Variants in CLPTM1L observed in about 807,000 individuals in gnomAD.
The protein encoded by CLPTM1L is CLPTM1 like.
Under a neutral mutation model 70.9 loss-of-function variants are expected in CLPTM1L, and 38 were observed. The ratio of observed to expected loss-of-function variants is 0.54; its 90% confidence interval spans 0.41 to 0.70. CLPTM1L has a LOEUF of 0.70. CLPTM1L is among the 30% of genes least tolerant of loss of function. The probability of loss-of-function intolerance (pLI) is 0.00; values close to 1 mark genes in which losing one functional copy is unlikely to be tolerated. For missense variants in CLPTM1L, 652 were observed against 705.9 expected, an observed-to-expected ratio of 0.92 and a Z score of 0.87; for synonymous variants, 339 against 299.9, an observed-to-expected ratio of 1.13 and a Z score of -1.35.
chr5:1,334,973 C>T (rs986766979), intron 6 of CLPTM1L, 84 bp downstream of exon 6: 3 of 1,008,138 alleles, frequency 3.0e-6, no homozygotes, highest in Non-Finnish European at 4.6e-6. Context: ...CGAGGAGGCC[C>T]CGGCCTGTGT....
chr5:1,326,737 T>TCATCCAGCTCCTCCTCTACGGGGACAATC (rs1752591151), intron 9 of CLPTM1L, among the ~76,000 whole-genome samples: 1 of 124,716 alleles, frequency 8.0e-6, no homozygotes, highest in African/African-American at 3.2e-5. Context: ...CGGGGACATT[T>TCATCCAGCTCCTCCTCTACGGGGACAATC]CATCCAGCTC....
At chr5:1,329,265 G>A (rs115825503) in intron 9 of CLPTM1L, among the ~76,000 whole-genome samples, 1,761 of 152,366 alleles carry the variant, frequency 0.012, 33 homozygotes, top group African/African-American at 0.039. Flanking sequence ...ACAGGGCACC[G>A]AGTGATTTCC....
chr5:1,321,992 T>C (rs1752185775), intron 13 of CLPTM1L, among the ~76,000 whole-genome samples, 173 bp from the exon 14 acceptor site: 1 of 152,166 alleles, frequency 6.6e-6, no homozygotes, highest in South Asian at 2.1e-4. Context: ...TGAAGCAGCT[T>C]TCTGGCTGGT....
rs200986888 is a variant in CLPTM1L at position 1,335,211 on chromosome 5, T to C, written c.679-37A>G. On this transcript the variant is annotated intron_variant, in intron 5 of 16. Coordinates refer to ENST00000320895, the MANE Select transcript of CLPTM1L (RefSeq NM_030782.5). ...AGCCACACTGAGGGCCCTGCCCTCA[T>C]ACCCTTGCACCCAGCTGCCTGGCAG... The C allele has an allele frequency of 4.6e-6, 7 of 1,517,134 alleles. No homozygotes were observed. The African/African-American group carries it at 6.8e-5, about 15-fold the overall frequency. 94.0% of individuals were successfully genotyped at this position (1,517,134 alleles called of 1,614,324 possible). A position where few individuals can be genotyped will look rare whatever the true frequency, so the allele number is the denominator to read the frequency against.
intron 2 of CLPTM1L, 137 bp from the exon 3 acceptor site, chr5:1,341,997 G>T: frequency 1.5e-6 from 1 of 657,190 alleles, no homozygotes; most frequent in Middle Eastern, 4.2e-4. Context: ...ACCTGCCCAG[G>T]GCTTTACGAG....
chr5:1,334,184 G>C (rs959961968), intron 7 of CLPTM1L, 105 bp downstream of exon 7: 3 of 753,598 alleles, frequency 4.0e-6, no homozygotes, highest in Non-Finnish European at 6.8e-6. Context: ...AGGGCCACAG[G>C]GCTGGACGGC....
rs1754177124 is a variant in CLPTM1L at position 1,344,845 on chromosome 5, GGCCCCGC to G, written c.-11_-5del. ...AGGAGCTGCGGCCGCTCCACATGGC[GGCCCCGC>G]GCCCGGCGCCCCCGGCCCGCCCGCC... On this transcript the variant is annotated 5_prime_UTR_variant, in exon 1 of 17. Transcript: ENST00000320895. 6.7e-7 allele frequency: 1 copy of G among 1,482,738 alleles called. No individual in the cohort carries two copies. Among genetic ancestry groups the G allele is most frequent in the South Asian group, 1.3e-5 (1 of 76,136 alleles). The allele number at this position is 1,482,738 out of a possible 1,614,324, so 91.8% of individuals were successfully genotyped here.
At chr5:1,326,931 G>T (rs1364657782) in intron 9 of CLPTM1L, among the ~76,000 whole-genome samples, 4 of 81,044 alleles carry the variant, frequency 4.9e-5, no homozygotes, top group Non-Finnish European at 1.0e-4. Flanking sequence ...CCTCCTCTAC[G>T]GACACATTTC....
intron 1 of CLPTM1L, 97 bp downstream of exon 1, chr5:1,344,583 G>A (rs1006854666): frequency 4.8e-6 from 7 of 1,469,512 alleles, no homozygotes; most frequent in African/African-American, 2.8e-5. Flanking sequence ...GACTCGCGCG[G>A]CCACAGCTCC....
rs1375147113 is a variant in CLPTM1L, at chr5:1,342,744, A to G, written c.264-884T>C. Among the ~76,000 whole-genome samples the G allele has an allele frequency of 2.0e-5, 3 of 152,186 alleles. No individual in the cohort carries two copies. The highest frequency in any genetic ancestry group is 7.2e-5 in the African/African-American group (3 of 41,460). On this transcript the variant is annotated intron_variant, in intron 2 of 16. Transcript: ENST00000320895. This position sits in a 1 kb window ranked among gnomAD's most constrained non-coding sequence, Gnocchi z 4.3. ...TGGGACTACAGGTGGGCGTGCCACC[A>G]TGCCTGGCTAACTTTGAAAACTGTT...
chr5:1,337,777 G>T, intron 5 of CLPTM1L, 127 bp downstream of exon 5: 1 of 780,316 alleles, frequency 1.3e-6, no homozygotes, highest in Non-Finnish European at 2.1e-6. Context: ...GTGCTTCCCA[G>T]CACGGGTAAA....
intron 5 of CLPTM1L, among the ~76,000 whole-genome samples, chr5:1,337,021 A>G (rs1055687277): frequency 2.6e-5 from 4 of 152,208 alleles, no homozygotes; most frequent in South Asian, 4.1e-4. Context: ...GGCCCGCCTC[A>G]GAGGTCAGAG....
chr5:1,324,677 G>A (rs1266527394), intron 11 of CLPTM1L, 86 bp downstream of exon 11: 55 of 1,288,946 alleles, frequency 4.3e-5, no homozygotes, highest in Non-Finnish European at 6.1e-5. Flanking sequence ...GGAGACTTCC[G>A]CACTGAGCAA....
chr5:1,325,436 G>A (rs898966911), intron 10 of CLPTM1L: 2 of 421,756 alleles, frequency 4.7e-6, no homozygotes, highest in Non-Finnish European at 8.6e-6. Context: ...CACCAGCCTC[G>A]GGAGCGCCTC....
intron 5 of CLPTM1L, among the ~76,000 whole-genome samples, chr5:1,335,552 C>T (rs756488358): frequency 6.6e-6 from 1 of 152,270 alleles, no homozygotes; most frequent in Non-Finnish European, 1.5e-5. Context: ...GCTTGGCCTG[C>T]AGAGCCCTGG....
intron 13 of CLPTM1L, 36 bp downstream of exon 13, chr5:1,322,841 A>G: frequency 6.2e-7 from 1 of 1,605,646 alleles, no homozygotes; most frequent in Non-Finnish European, 8.5e-7. Flanking sequence ...CCTGCTGGAA[A>G]CACTAGTACT....
At chr5:1,330,217 C>T in intron 9 of CLPTM1L, 63 bp downstream of exon 9, 1 of 1,383,362 alleles carries the variant, frequency 7.2e-7, no homozygotes. Context: ...GGGCTGAAAG[C>T]CTTTCCTGAG....
chr5:1,325,932 G>C lies in CLPTM1L; in HGVS notation c.1081-116C>G, dbSNP rs138320158. ...TGCCCATGGCCCCGCGCAGCCCACTGTCCTCTTCCTGTCCCTCCCACAGCT... is the reference window on the plus strand; with the variant it reads ...TGCCCATGGCCCCGCGCAGCCCACTCTCCTCTTCCTGTCCCTCCCACAGCT... On this transcript the variant is annotated intron_variant, in intron 9 of 16. Coordinates refer to ENST00000320895, the MANE Select transcript of CLPTM1L (RefSeq NM_030782.5). 1,455 of 816,368 alleles carry C rather than the reference G, an allele frequency of 1.8e-3. 4 individuals carry two copies. Among genetic ancestry groups the C allele is most frequent in the Admixed American group, 3.3e-3 (151 of 45,910 alleles). The allele number at this position is 816,368 out of a possible 1,614,324, so 50.6% of individuals were successfully genotyped here.
intron 9 of CLPTM1L, 91 bp from the exon 10 acceptor site, chr5:1,325,907 T>TACCCGTAGGACGGG: frequency 9.3e-7 from 1 of 1,076,464 alleles, no homozygotes; most frequent in Non-Finnish European, 1.4e-6. Context: ...TAGGACCTGC[T>TACCCGTAGGACGGG]GCCCATGGCC....
Sources: gnomAD v4.1 joint callset for allele counts (sites outside exome capture counted in the v4.1 genomes callset) on GRCh38, gnomAD v4.1.1 for gene constraint, Gnocchi (gnomAD v3.1) non-coding constraint, MANE v1.5 for transcripts, NCBI Gene and HGNC (gene_info 2026-07-23, HGNC 2026-07-21) for gene names.